NPEPPS: variants seen among roughly 807,000 people sequenced by gnomAD.
NPEPPS encodes the protein aminopeptidase puromycin sensitive, also known as puromycin-sensitive aminopeptidase.
In NPEPPS, 14 loss-of-function variants were observed where a neutral mutation model predicts 115.5. The ratio of observed to expected loss-of-function variants is 0.12; its 90% CI spans 0.08 to 0.19. The LOEUF is 0.19. NPEPPS is among the 10% of genes least tolerant of loss of function. The pLI, the probability that NPEPPS is intolerant of heterozygous loss-of-function variation, is 1.00. For missense variants in NPEPPS, 523 were observed against 1,110.8 expected (o/e 0.47, Z 7.52); for synonymous variants, 285 against 390.6 (o/e 0.73, Z 3.19).
intron 2 of NPEPPS, among the ~76,000 whole-genome samples, chr17:47,556,651 G>A (rs1407697008): frequency 6.6e-6 from 1 of 152,006 alleles, no homozygotes; most frequent in Non-Finnish European, 1.5e-5. Flanking sequence ...TTCCCAGAAG[G>A]GGCGGCCGGG....
intron 2 of NPEPPS, among the ~76,000 whole-genome samples, chr17:47,554,805 A>G (rs1909891704): frequency 6.6e-6 from 1 of 152,198 alleles, no homozygotes; most frequent in Non-Finnish European, 1.5e-5. Flanking sequence ...TTGACAGTCA[A>G]TCTGATAACT....
intron 1 of NPEPPS, among the ~76,000 whole-genome samples, chr17:47,524,223 C>T (rs1907333468): frequency 6.6e-6 from 1 of 151,570 alleles, no homozygotes; most frequent in Admixed American, 6.6e-5. Flanking sequence ...AGGAAAATCG[C>T]TTGAACCCCC....
chr17:47,571,992 C>T lies in NPEPPS; in HGVS notation c.418+2498C>T, dbSNP rs371695650. Among the ~76,000 whole-genome samples, 4 of 152,146 alleles carry T rather than the reference C, an allele frequency of 2.6e-5. No individual in the cohort carries two copies. The East Asian group carries it at 7.7e-4, about 29-fold the overall frequency. On this transcript the variant is annotated intron_variant, in intron 3 of 22. Transcript: ENST00000322157. ...ATATGCAGCCATATCACCAACTCTA[C>T]TGGCTCCACTTGGCTCCCAACTGTC...
At chr17:47,570,143 C>T (rs530727582) in intron 3 of NPEPPS, among the ~76,000 whole-genome samples, 3 of 152,084 alleles carry the variant, frequency 2.0e-5, no homozygotes, top group South Asian at 2.1e-4. Context: ...TTACCTAGGC[C>T]GGGCATGGTG....
chr17:47,561,346 CAAAAA>C (rs71365075), intron 2 of NPEPPS, among the ~76,000 whole-genome samples: 2 of 60,780 alleles, frequency 3.3e-5, no homozygotes, highest in African/African-American at 7.1e-5. Context: ...GACCCTGTCT[CAAAAA>C]AAAAAAAAAA....
intron 3 of NPEPPS, among the ~76,000 whole-genome samples, chr17:47,571,872 A>G (rs1911216085): frequency 6.6e-6 from 1 of 152,210 alleles, no homozygotes; most frequent in African/African-American, 2.4e-5. Flanking sequence ...ATTTATGTAT[A>G]TAATTTAACC....
intron 17 of NPEPPS, among the ~76,000 whole-genome samples, chr17:47,607,611 G>A (rs1431306761): frequency 2.0e-5 from 3 of 152,178 alleles, no homozygotes; most frequent in South Asian, 2.1e-4. Flanking sequence ...AAGAGAAGAC[G>A]AGAGGAGGCA....
chr17:47,576,596 A>G (rs113322939), intron 3 of NPEPPS, among the ~76,000 whole-genome samples: 1 of 152,150 alleles, frequency 6.6e-6, no homozygotes, highest in Non-Finnish European at 1.5e-5. Context: ...CATTAAATTT[A>G]TTATTATTAA....
chr17:47,585,494 T>G lies in NPEPPS; in HGVS notation c.649-6T>G, dbSNP rs769515610. The G allele has an allele frequency of 6.8e-6, 11 of 1,608,460 alleles. No individual in the cohort carries two copies. The highest frequency in any genetic ancestry group is 5.5e-5 in the South Asian group (5 of 90,762). On this transcript the variant is annotated splice_region_variant and splice_polypyrimidine_tract_variant and intron_variant, in intron 5 of 22. Transcript: ENST00000322157. ...TTTAAATTTTTCTTTTTTTTATTTC[T>G]TAAAGAATGTAATTGACCGGAAACC...
chr17:47,554,825 A>G (rs1035593181), intron 2 of NPEPPS, among the ~76,000 whole-genome samples: 2 of 152,216 alleles, frequency 1.3e-5, no homozygotes, highest in Non-Finnish European at 2.9e-5. Context: ...TGAGATGGCT[A>G]CTAGGTGCCT....
intron 12 of NPEPPS, among the ~76,000 whole-genome samples, chr17:47,594,956 G>A (rs1055205875): frequency 1.3e-5 from 2 of 149,634 alleles, no homozygotes; most frequent in Admixed American, 1.3e-4. Context: ...TAAAGACAGG[G>A]TCTTGCTCTG....
intron 4 of NPEPPS, chr17:47,581,529 C>G (rs1439200818): frequency 6.6e-6 from 1 of 152,152 alleles, no homozygotes; most frequent in Non-Finnish European, 1.5e-5. Flanking sequence ...AAATTCATTT[C>G]TCTGCTGCTG....
chr17:47,565,692 C>T (rs1255470686), intron 2 of NPEPPS, among the ~76,000 whole-genome samples: 4 of 146,842 alleles, frequency 2.7e-5, no homozygotes, highest in African/African-American at 7.6e-5. Context: ...TGGTGGTGGG[C>T]GCCTGTAGTC....
chr17:47,580,335 C>G (rs149646251), intron 4 of NPEPPS: 1 of 152,096 alleles, frequency 6.6e-6, no homozygotes, highest in East Asian at 1.9e-4. Flanking sequence ...TTGAATGATT[C>G]TAATGCCTTT....
At chr17:47,540,561 A>G (rs1182230013) in intron 1 of NPEPPS, among the ~76,000 whole-genome samples, 1 of 152,226 alleles carries the variant, frequency 6.6e-6, no homozygotes, top group Non-Finnish European at 1.5e-5. Flanking sequence ...GTCCAAACAG[A>G]TATTTTAAAT....
At chr17:47,563,334 G>A (rs1306056074) in intron 2 of NPEPPS, among the ~76,000 whole-genome samples, 1 of 151,934 alleles carries the variant, frequency 6.6e-6, no homozygotes, top group African/African-American at 2.4e-5. Flanking sequence ...GCCCAGCCTG[G>A]TCATGGTTTT....
Position 47,582,731 on chromosome 17 carries a change from C to A in NPEPPS, c.541-11C>A. ...TTCTAAGGTATTTATATTTCATATT[C>A]TTTTCTTAAGGCTACTGATGCCCGA... On this transcript the variant is annotated splice_polypyrimidine_tract_variant and intron_variant, in intron 4 of 22. Coordinates refer to ENST00000322157, the MANE Select transcript of NPEPPS (RefSeq NM_006310.4). 1.3e-6 allele frequency: 1 copy of A among 752,406 alleles called. No individual in the cohort carries two copies. 46.6% of individuals were successfully genotyped at this position (752,406 alleles called of 1,614,324 possible).
At chr17:47,620,213 TCAAA>T in intron 22 of NPEPPS, 1 of 76,424 alleles carries the variant, frequency 1.3e-5, no homozygotes, top group Non-Finnish European at 2.4e-5. Context: ...GACTCCTGTC[TCAAA>T]AAAAAAAAAA....
Position 47,545,583 on chromosome 17 carries a change from C to T in NPEPPS, c.256-326C>T, listed in dbSNP as rs1175042603. Among the ~76,000 whole-genome samples, 4 of 152,070 alleles carry T rather than the reference C, an allele frequency of 2.6e-5. No individual in the cohort carries two copies. The East Asian group carries it at 7.7e-4, about 29-fold the overall frequency. On this transcript the variant is annotated intron_variant, in intron 1 of 22. Coordinates refer to ENST00000322157, the MANE Select transcript of NPEPPS (RefSeq NM_006310.4). The stretch of plus-strand genomic sequence containing the variant: ...TATTTGAGAGACACAGAGTCTTGCT[C>T]AGTTGCCCAGGATGGAGTGCAGCTG...
Sources: gnomAD v4.1 joint callset for allele counts (sites outside exome capture counted in the v4.1 genomes callset) on GRCh38, gnomAD v4.1.1 for gene constraint, MANE v1.5 for transcripts, NCBI Gene and HGNC (gene_info 2026-07-23, HGNC 2026-07-21) for gene names.